Variants in PEX13 observed in about 807,000 individuals in gnomAD.
PEX13 encodes the protein peroxisomal biogenesis factor 13.
A neutral mutation model predicts 34.5 loss-of-function variants in PEX13; 28 were observed. The ratio of observed to expected loss-of-function variants is 0.81; its 90% CI spans 0.60 to 1.11. PEX13 has a LOEUF of 1.11. Among genes scored for constraint, PEX13 ranks in the 50% most tolerant of loss-of-function variants. The pLI is 0.00. For missense variants in PEX13, 550 were observed against 491.0 expected, an observed-to-expected ratio of 1.12 and a Z score of -1.13; for synonymous variants, 177 against 175.1, an observed-to-expected ratio of 1.01 and a Z score of -0.09.
intron 2 of PEX13, among the ~76,000 whole-genome samples, chr2:61,039,739 G>A (rs549722551): frequency 1.8e-4 from 27 of 152,190 alleles, no homozygotes; most frequent in African/African-American, 6.0e-4. Context: ...GGAATAGACA[G>A]ATGGGATCTA....
At chr2:61,033,483 T>A (rs1257636312) in intron 2 of PEX13, among the ~76,000 whole-genome samples, 10 of 152,200 alleles carry the variant, frequency 6.6e-5, no homozygotes, top group Middle Eastern at 3.2e-3. Context: ...TACCAAAGAA[T>A]TCTCAGAGCT....
At chr2:61,042,466 A>G (rs772570700) in intron 2 of PEX13, among the ~76,000 whole-genome samples, 1 of 152,194 alleles carries the variant, frequency 6.6e-6, no homozygotes. Flanking sequence ...TTCAAGGCAC[A>G]GTATAGTATG....
chr2:61,025,729 A>G (rs1680343355), intron 1 of PEX13, among the ~76,000 whole-genome samples: 1 of 152,146 alleles, frequency 6.6e-6, no homozygotes, highest in South Asian at 2.1e-4. Context: ...AGGCCTAAGG[A>G]TATCTTTCTC....
At chr2:61,044,864 G>A (rs963812939) in intron 2 of PEX13, among the ~76,000 whole-genome samples, 1 of 152,174 alleles carries the variant, frequency 6.6e-6, no homozygotes, top group Non-Finnish European at 1.5e-5. Flanking sequence ...CCATTCCCAC[G>A]CAAGTTGGCA....
chr2:61,041,188 G>A (rs1680620996), intron 2 of PEX13, among the ~76,000 whole-genome samples: 1 of 152,132 alleles, frequency 6.6e-6, no homozygotes, highest in East Asian at 1.9e-4. Flanking sequence ...AAGTATCCGG[G>A]TGTGGTGGTG....
Position 61,048,738 on chromosome 2 carries a change from A to T in PEX13, c.1180A>T (p.Ile394Phe), listed in dbSNP as rs376560254. ...TNKVPVAPDS[I>F]GKDGEKQDL The stretch of plus-strand genomic sequence containing the variant: ...TAAGGTTCCAGTTGCACCTGATTCC[A>T]TTGGGAAAGATGGAGAAAAGCAAGA... Residue 394 changes from isoleucine to phenylalanine, a missense_variant, in exon 4 of 4, where the codon ATT becomes TTT. Ile to Phe is a conservative substitution (Grantham distance 21, BLOSUM62 0). Transcript: ENST00000295030. The T allele has an allele frequency of 3.7e-5, 60 of 1,613,928 alleles. No homozygotes were observed. In the East Asian group the frequency reaches 7.8e-4, roughly 21 times the overall value.
At position 61,051,327 on chromosome 2, in the gene PEX13, T is replaced by A. The variant is rs1237658310; in HGVS notation, c.*2557T>A. ...CAGATTATTAAATTTGGGGTTGAGATGTCTAAATTGAATGCTAGAAGTAAA... is the reference window on the plus strand; with the variant it reads ...CAGATTATTAAATTTGGGGTTGAGAAGTCTAAATTGAATGCTAGAAGTAAA... On this transcript the variant is annotated 3_prime_UTR_variant, in exon 4 of 4. Coordinates refer to ENST00000295030, the MANE Select transcript of PEX13 (RefSeq NM_002618.4). The A allele has an allele frequency of 6.6e-6, 1 of 152,352 alleles. No homozygotes were observed. The allele number at this position is 152,352 out of a possible 1,614,324, so 9.4% of individuals were successfully genotyped here.
intron 1 of PEX13, among the ~76,000 whole-genome samples, chr2:61,023,485 C>T (rs1680300270): frequency 6.6e-6 from 1 of 151,176 alleles, no homozygotes; most frequent in Admixed American, 6.6e-5. Flanking sequence ...GGATTCATTT[C>T]TTTTTTTAAT....
chr2:61,050,092 T>C lies in PEX13; in HGVS notation c.*1322T>C, dbSNP rs1047044138. 2 of 152,288 alleles carry C rather than the reference T, an allele frequency of 1.3e-5. No homozygotes were observed. The highest frequency in any genetic ancestry group is 4.8e-5 in the African/African-American group (2 of 41,442). The allele number at this position is 152,288 out of a possible 1,614,324, so 9.4% of individuals were successfully genotyped here. On this transcript the variant is annotated 3_prime_UTR_variant, in exon 4 of 4. Transcript: ENST00000295030. ...TTATAGTCTTAGTGCTCTATTGCCATTTAGAATATGATAATCCTCATGCCT... is the reference window on the plus strand; with the variant it reads ...TTATAGTCTTAGTGCTCTATTGCCACTTAGAATATGATAATCCTCATGCCT...
chr2:61,022,531 A>G (rs1036881677), intron 1 of PEX13, among the ~76,000 whole-genome samples: 10 of 152,260 alleles, frequency 6.6e-5, no homozygotes, highest in African/African-American at 9.6e-5. Flanking sequence ...GCATTTCTCA[A>G]TGAACTTTGA....
At chr2:61,018,292 G>A (rs1189090696) in intron 1 of PEX13, 1 of 1,550,384 alleles carries the variant, frequency 6.5e-7, no homozygotes, top group Admixed American at 2.0e-5. Flanking sequence ...GTTGCTGAAA[G>A]CCGGAAAGGT....
chr2:61,032,258 A>C, intron 2 of PEX13, 145 bp downstream of exon 2: 2 of 664,258 alleles, frequency 3.0e-6, no homozygotes, highest in Non-Finnish European at 2.6e-6. Flanking sequence ...TGGCAGAGGA[A>C]TATATAGCAA....
At chr2:61,032,175 G>T in intron 2 of PEX13, 62 bp downstream of exon 2, 1 of 1,177,650 alleles carries the variant, frequency 8.5e-7, no homozygotes, top group Non-Finnish European at 1.2e-6. Context: ...TTCAAGAATA[G>T]ATTTGTTAGT....
chr2:61,037,567 G>C (rs1680556152), intron 2 of PEX13, among the ~76,000 whole-genome samples: 1 of 152,088 alleles, frequency 6.6e-6, no homozygotes, highest in African/African-American at 2.4e-5. Flanking sequence ...TCAAACCAAG[G>C]AAAACAAAGA....
chr2:61,023,715 T>A (rs1026454753), intron 1 of PEX13, among the ~76,000 whole-genome samples: 1 of 149,238 alleles, frequency 6.7e-6, no homozygotes, highest in African/African-American at 2.5e-5. Context: ...TCAAGGGACC[T>A]AAGTTTTTCC....
intron 2 of PEX13, among the ~76,000 whole-genome samples, chr2:61,034,820 C>T (rs901824973): frequency 5.3e-5 from 8 of 152,228 alleles, no homozygotes; most frequent in African/African-American, 1.7e-4. Context: ...CCCAGAAGCT[C>T]GAACTGGGCG....
At chr2:61,018,117 AG>A (rs1458494904) in intron 1 of PEX13, 2 of 1,546,944 alleles carry the variant, frequency 1.3e-6, no homozygotes, top group East Asian at 2.4e-5. Context: ...CTTGAAAGAA[AG>A]GGGGGCGGCT....
rs1426917240 is a variant in PEX13 at position 61,045,827 on chromosome 2, G to A, written c.889G>A (p.Asp297Asn). Residue 297 changes from aspartate to asparagine, a missense_variant, in exon 3 of 4, where the codon GAT (aspartate) becomes AAT (asparagine). Transcript: ENST00000295030. The stretch of plus-strand genomic sequence containing the variant: ...AGAAGAAATTTCTTTCCGGGCTGGT[G>A]ATATGCTGAACTTAGCTCTCAAAGG... ...SEEEISFRAGDMLNLALKEQQ... is the reference protein window; with the variant it reads ...SEEEISFRAGNMLNLALKEQQ... 1.2e-6 allele frequency: 2 copies of A among 1,612,980 alleles called. No homozygotes were observed. The highest frequency in any genetic ancestry group is 1.7e-6 in the Non-Finnish European group (2 of 1,179,134).
At chr2:61,034,439 A>G (rs1680501917) in intron 2 of PEX13, among the ~76,000 whole-genome samples, 1 of 152,224 alleles carries the variant, frequency 6.6e-6, no homozygotes. Context: ...TACCTAGTTC[A>G]TCTCACTGGG....
Sources: allele counts gnomAD v4.1 joint callset (sites outside exome capture counted in the v4.1 genomes callset), GRCh38; gene constraint gnomAD v4.1.1; transcripts MANE v1.5; gene names NCBI Gene and HGNC (gene_info 2026-07-23, HGNC 2026-07-21).